CAMKMT: variants seen among roughly 807,000 people sequenced by gnomAD.
CAMKMT encodes calmodulin-lysine N-methyltransferase.
CAMKMT carries 53 observed loss-of-function variants against 48.0 expected under a neutral mutation model. The observed-to-expected ratio is 1.10, with a 90% confidence interval of 0.89 to 1.39. The LOEUF (loss-of-function observed/expected upper bound fraction) is 1.39. Ranked by LOEUF, CAMKMT falls within the 40% of genes most tolerant of loss-of-function variation. The probability of loss-of-function intolerance (pLI) is 0.00; values close to 1 mark genes in which losing one functional copy is unlikely to be tolerated. For synonymous variants in CAMKMT, 165 were observed against 152.3 expected (o/e 1.08, Z -0.61); for missense variants, 428 against 402.7 (o/e 1.06, Z -0.54).
At chr2:44,629,342 C>A (rs559670065) in intron 3 of CAMKMT, among the ~76,000 whole-genome samples, 149 of 152,146 alleles carry the variant, frequency 9.8e-4, no homozygotes, top group African/African-American at 3.4e-3. Flanking sequence ...GCTACACTAA[C>A]CTCATGATTA....
intron 3 of CAMKMT, among the ~76,000 whole-genome samples, chr2:44,565,100 C>T (rs1473190707): frequency 6.6e-6 from 1 of 152,178 alleles, no homozygotes; most frequent in African/African-American, 2.4e-5. Flanking sequence ...TCTTTCTCAT[C>T]TTTGTCTCTC....
rs1382624080 is a variant in CAMKMT at position 44,527,895 on chromosome 2, C to G, written c.376+137590C>G. Reference sequence around the variant, plus strand: ...TCTATAGTTTACATTAGGGATTACTCTTCCTCTTTTGACATTCTGAGTTTT... The same window carrying G: ...TCTATAGTTTACATTAGGGATTACTGTTCCTCTTTTGACATTCTGAGTTTT... On this transcript the variant is annotated intron_variant, in intron 3 of 10. Coordinates refer to ENST00000378494, the MANE Select transcript of CAMKMT (RefSeq NM_024766.5). Among the ~76,000 whole-genome samples, 5 of 150,660 alleles carry G rather than the reference C, an allele frequency of 3.3e-5. No homozygotes were observed. In the Admixed American group the frequency reaches 3.3e-4, roughly 10 times the overall value.
chr2:44,619,463 GTATA>G (rs5830799), intron 3 of CAMKMT, among the ~76,000 whole-genome samples: 5 of 149,926 alleles, frequency 3.3e-5, no homozygotes, highest in African/African-American at 1.2e-4. Flanking sequence ...GATTATGTGT[GTATA>G]TATATATATA....
At chr2:44,631,288 C>A (rs774829125) in intron 3 of CAMKMT, among the ~76,000 whole-genome samples, 4 of 152,026 alleles carry the variant, frequency 2.6e-5, no homozygotes, top group Non-Finnish European at 4.4e-5. Context: ...GAGAGATATA[C>A]CTAATGCTAG....
At chr2:44,743,467 G>A (rs1679790190) in intron 7 of CAMKMT, among the ~76,000 whole-genome samples, 155 bp from the exon 8 acceptor site, 2 of 151,974 alleles carry the variant, frequency 1.3e-5, no homozygotes, top group South Asian at 4.1e-4. Context: ...AAACACAGAA[G>A]ACAGTTACAT....
At chr2:44,562,932 G>A (rs11885805) in intron 3 of CAMKMT, among the ~76,000 whole-genome samples, 2,102 of 152,170 alleles carry the variant, frequency 0.014, 45 homozygotes, top group African/African-American at 0.048. Context: ...TCTCAGTACT[G>A]GTGGTATTTG....
At chr2:44,447,621 C>A (rs553861186) in intron 3 of CAMKMT, among the ~76,000 whole-genome samples, 2 of 152,234 alleles carry the variant, frequency 1.3e-5, no homozygotes, top group African/African-American at 4.8e-5. Flanking sequence ...TAAGCAACTT[C>A]TTGAACACTT....
chr2:44,767,754 G>T (rs895253140), intron 10 of CAMKMT, among the ~76,000 whole-genome samples: 1 of 152,072 alleles, frequency 6.6e-6, no homozygotes, highest in Non-Finnish European at 1.5e-5. Context: ...AAAAAAAGCG[G>T]GTCTTTACCT....
chr2:44,622,503 C>A (rs1259896204), intron 3 of CAMKMT, among the ~76,000 whole-genome samples: 1 of 152,162 alleles, frequency 6.6e-6, no homozygotes, highest in African/African-American at 2.4e-5. Context: ...TCCTTCCCTC[C>A]TTCCTCTTAT....
At chr2:44,723,569 A>G (rs907231796) in intron 7 of CAMKMT, among the ~76,000 whole-genome samples, 1 of 151,558 alleles carries the variant, frequency 6.6e-6, no homozygotes, top group Non-Finnish European at 1.5e-5. Context: ...CCAGCCCAGG[A>G]GACAGAGCAA....
At chr2:44,608,371 C>G (rs1671415902) in intron 3 of CAMKMT, among the ~76,000 whole-genome samples, 2 of 151,996 alleles carry the variant, frequency 1.3e-5, no homozygotes, top group Admixed American at 1.3e-4. Context: ...CGCACCCAGC[C>G]TATTTTCCTT....
At chr2:44,443,084 T>C (rs1279642898) in intron 3 of CAMKMT, among the ~76,000 whole-genome samples, 1 of 152,200 alleles carries the variant, frequency 6.6e-6, no homozygotes, top group Non-Finnish European at 1.5e-5. Flanking sequence ...ATATAGTTCT[T>C]TGAACTCCTT....
intron 3 of CAMKMT, among the ~76,000 whole-genome samples, chr2:44,631,959 C>T (rs1050873020): frequency 1.3e-5 from 2 of 152,034 alleles, no homozygotes; most frequent in African/African-American, 4.8e-5. Context: ...ATGTTAGAAG[C>T]TTTAAGAATA....
intron 3 of CAMKMT, among the ~76,000 whole-genome samples, chr2:44,526,483 C>T (rs1438859923): frequency 6.6e-6 from 1 of 152,070 alleles, no homozygotes; most frequent in East Asian, 1.9e-4. Flanking sequence ...AAAAGCTGGT[C>T]ATATAGTTCC....
chr2:44,656,138 C>A (rs1195638381), intron 3 of CAMKMT, among the ~76,000 whole-genome samples: 1 of 152,116 alleles, frequency 6.6e-6, no homozygotes, highest in Non-Finnish European at 1.5e-5. Flanking sequence ...CTTTCTGAAG[C>A]ATCAGAGAAG....
At chr2:44,628,563 T>C (rs954427286) in intron 3 of CAMKMT, among the ~76,000 whole-genome samples, 2 of 151,570 alleles carry the variant, frequency 1.3e-5, no homozygotes, top group Non-Finnish European at 2.9e-5. Flanking sequence ...TTTTTTTTTT[T>C]AGATACAAGG....
At chr2:44,693,729 G>A (rs1042033994) in intron 3 of CAMKMT, among the ~76,000 whole-genome samples, 3 of 152,224 alleles carry the variant, frequency 2.0e-5, no homozygotes, top group Non-Finnish European at 2.9e-5. Context: ...AAAGGAGACA[G>A]AGTACAAAGA....
At position 44,565,168 on chromosome 2, in the gene CAMKMT, C is replaced by T. The variant is rs142523305; in HGVS notation, c.377-139115C>T. On this transcript the variant is annotated intron_variant, in intron 3 of 10. Transcript: ENST00000378494. Reference sequence around the variant, plus strand: ...CCCCCAAGTGGTTTAACTTTATATTCACTTAACTATGGCAAGGGTGGCTTG... The same window carrying T: ...CCCCCAAGTGGTTTAACTTTATATTTACTTAACTATGGCAAGGGTGGCTTG... 6.6e-3 allele frequency among the ~76,000 whole-genome samples: 1,009 copies of T among 152,290 alleles called. 16 individuals are homozygous for T. Among genetic ancestry groups the T allele is most frequent in the African/African-American group, 0.023 (947 of 41,548 alleles).
At chr2:44,446,929 T>C (rs1005577083) in intron 3 of CAMKMT, among the ~76,000 whole-genome samples, 3 of 152,224 alleles carry the variant, frequency 2.0e-5, no homozygotes, top group Non-Finnish European at 4.4e-5. Context: ...GGCTTTTCCT[T>C]ATTCCTTTTC....
Sources: allele counts gnomAD v4.1 joint callset (sites outside exome capture counted in the v4.1 genomes callset), GRCh38; gene constraint gnomAD v4.1.1; transcripts MANE v1.5; gene names NCBI Gene and HGNC (gene_info 2026-07-23, HGNC 2026-07-21).